IL16: variants seen among roughly 807,000 people sequenced by gnomAD.
The protein encoded by IL16 is interleukin 16, also known as pro-interleukin-16.
IL16 carries 67 observed loss-of-function variants against 110.1 expected under a neutral mutation model. That is an observed-to-expected ratio of 0.61 (90% CI 0.50 to 0.75). IL16 has a LOEUF of 0.75. IL16 is among the 30% of genes least tolerant of loss of function. IL16 has a pLI of 0.00. For synonymous variants in IL16, 689 were observed against 662.9 expected, an observed-to-expected ratio of 1.04 and a Z score of -0.61; for missense variants, 1,545 against 1,655.0, an observed-to-expected ratio of 0.93 and a Z score of 1.15.
rs757435234 is a variant in IL16, at chr15:81,265,722, C to A, written c.485C>A (p.Thr162Lys). ...FPMTKKSAAPTDRQPYSLCSN... is the reference protein window; with the variant it reads ...FPMTKKSAAPKDRQPYSLCSN... The stretch of plus-strand genomic sequence containing the variant: ...ATGACCAAGAAATCTGCAGCGCCCA[C>A]GGACAGGCAGCCTTACTCTCTCTGC... Residue 162 changes from threonine (T) to lysine (K), a missense_variant, in exon 4 of 19, where the codon ACG becomes AAG. Thr to Lys is a moderately conservative substitution (Grantham distance 78). Coordinates refer to ENST00000683961, the MANE Select transcript of IL16 (RefSeq NM_172217.5). 19 of 1,613,570 alleles carry A rather than the reference C, an allele frequency of 1.2e-5. No individual in the cohort carries two copies. In the East Asian group the frequency reaches 1.3e-4, roughly 11 times the overall value.
chr15:81,203,014 A>T (rs1016901360), intron 1 of IL16, among the ~76,000 whole-genome samples: 3 of 151,960 alleles, frequency 2.0e-5, no homozygotes, highest in African/African-American at 4.8e-5. Context: ...AATGATCACC[A>T]TTCTAACTGG....
chr15:81,301,122 G>A (rs1050251845), intron 14 of IL16, among the ~76,000 whole-genome samples: 2 of 152,192 alleles, frequency 1.3e-5, no homozygotes, highest in African/African-American at 4.8e-5. Flanking sequence ...TCTTCCCTCT[G>A]ATCAAAGTAG....
intron 1 of IL16, among the ~76,000 whole-genome samples, chr15:81,212,874 A>G (rs1185520118): frequency 2.6e-5 from 4 of 151,996 alleles, no homozygotes; most frequent in South Asian, 2.1e-4. Context: ...TTGCACCTCA[A>G]TTTCATTCAG....
chr15:81,304,029 G>A (rs1253394308), intron 16 of IL16, among the ~76,000 whole-genome samples: 1 of 152,208 alleles, frequency 6.6e-6, no homozygotes, highest in Non-Finnish European at 1.5e-5. Flanking sequence ...TGTTGTCTCA[G>A]GGTATCCTTT....
chr15:81,190,848 G>A (rs1021732356), intron 1 of IL16, among the ~76,000 whole-genome samples: 11 of 152,156 alleles, frequency 7.2e-5, no homozygotes, highest in African/African-American at 1.2e-4. Flanking sequence ...ATAGGAGAAG[G>A]GTACAGTGCT....
At chr15:81,256,364 C>T (rs1897946272) in intron 2 of IL16, among the ~76,000 whole-genome samples, 1 of 139,866 alleles carries the variant, frequency 7.1e-6, no homozygotes, top group Non-Finnish European at 1.5e-5. Context: ...GACAGAGTCT[C>T]GCTCTGTCAC....
upstream of IL16, among the ~76,000 whole-genome samples, chr15:81,196,290 G>C (rs963859385): frequency 3.3e-5 from 5 of 152,186 alleles, no homozygotes; most frequent in Admixed American, 2.0e-4. Context: ...GAAATTCCAC[G>C]GCACGTAGTA....
chr15:81,303,396 C>G lies in IL16; in HGVS notation c.3319-153C>G, dbSNP rs182682701. 554 of 610,350 alleles carry G rather than the reference C, an allele frequency of 9.1e-4. 1 individual carries two copies. The highest frequency in any genetic ancestry group is 2.2e-3 in the Middle Eastern group (8 of 3,656). The allele number at this position is 610,350 out of a possible 1,614,324, so 37.8% of individuals were successfully genotyped here. A position where few individuals can be genotyped will look rare whatever the true frequency, so the allele number is the denominator to read the frequency against. ...ATGACTCCTGAAGGTCCATTCTTTA[C>G]AGATGAGGAAACTGAGGTTTGAGGA... On this transcript the variant is annotated intron_variant, in intron 15 of 18. Transcript: ENST00000683961. This position sits in a 1 kb window ranked among gnomAD's most constrained non-coding sequence, Gnocchi z 4.1.
At chr15:81,228,604 C>T (rs1896870628) in intron 2 of IL16, among the ~76,000 whole-genome samples, 1 of 152,080 alleles carries the variant, frequency 6.6e-6, no homozygotes, top group Non-Finnish European at 1.5e-5. Context: ...GGGGAGTGAG[C>T]CACCACACCC....
chr15:81,186,967 C>T (rs1895428829), intron 1 of IL16, among the ~76,000 whole-genome samples: 1 of 152,140 alleles, frequency 6.6e-6, no homozygotes, highest in Non-Finnish European at 1.5e-5. Flanking sequence ...CTATCCATCT[C>T]ATTTTTGAAT....
At chr15:81,195,552 G>A (rs995037855), upstream of IL16, among the ~76,000 whole-genome samples, 4 of 152,150 alleles carry the variant, frequency 2.6e-5, no homozygotes, top group African/African-American at 7.2e-5. Context: ...TATCCCCAGA[G>A]TGCTCCCTCC....
At chr15:81,232,206 A>T (rs1025630515) in intron 2 of IL16, among the ~76,000 whole-genome samples, 6 of 151,388 alleles carry the variant, frequency 4.0e-5, no homozygotes, top group Non-Finnish European at 8.8e-5. Flanking sequence ...CCTTTACATG[A>T]TATATTTCTG....
chr15:81,280,133 A>G (rs1899107906), intron 8 of IL16, among the ~76,000 whole-genome samples: 1 of 152,200 alleles, frequency 6.6e-6, no homozygotes, highest in South Asian at 2.1e-4. Flanking sequence ...CCTGGGCCTC[A>G]GTTTCCCTAC....
chr15:81,184,522 T>C (rs145258846), intron 1 of IL16, among the ~76,000 whole-genome samples: 384 of 152,302 alleles, frequency 2.5e-3, no homozygotes, highest in African/African-American at 8.5e-3. Context: ...TAACCTTGGG[T>C]GAGGCAACTG....
chr15:81,207,880 T>C (rs1762800384), intron 1 of IL16, among the ~76,000 whole-genome samples: 1 of 151,830 alleles, frequency 6.6e-6, no homozygotes. Flanking sequence ...GGTTTTTCTT[T>C]GGGTATATAT....
chr15:81,298,509 T>C (rs1198808718), intron 13 of IL16, among the ~76,000 whole-genome samples: 1 of 152,152 alleles, frequency 6.6e-6, no homozygotes, highest in African/African-American at 2.4e-5. Flanking sequence ...ACAGAGCAGG[T>C]TGCACATTGC....
chr15:81,306,657 C>T (rs1165518010), intron 18 of IL16, 112 bp downstream of exon 18: 3 of 1,312,040 alleles, frequency 2.3e-6, no homozygotes, highest in Non-Finnish European at 3.3e-6. Flanking sequence ...AACTCCATGT[C>T]CTCTTCATAG....
intron 13 of IL16, among the ~76,000 whole-genome samples, chr15:81,297,785 T>TG (rs1010676373): frequency 2.6e-5 from 4 of 152,010 alleles, no homozygotes; most frequent in African/African-American, 9.7e-5. Flanking sequence ...TGCTAGATGC[T>TG]GGGGGGAGAG....
chr15:81,307,864 C>T (rs1335308909), intron 18 of IL16, among the ~76,000 whole-genome samples: 1 of 152,208 alleles, frequency 6.6e-6, no homozygotes, highest in Non-Finnish European at 1.5e-5. Context: ...AAATAATACA[C>T]CCCTCATAGG....
Sources: gnomAD v4.1 joint callset for allele counts (sites outside exome capture counted in the v4.1 genomes callset) on GRCh38, gnomAD v4.1.1 for gene constraint, Gnocchi (gnomAD v3.1) non-coding constraint, MANE v1.5 for transcripts, NCBI Gene and HGNC (gene_info 2026-07-23, HGNC 2026-07-21) for gene names.